Variants in KRT86 observed in about 807,000 individuals in gnomAD.
KRT86 encodes the protein keratin, type II cuticular Hb6.
A neutral mutation model predicts 41.2 loss-of-function variants in KRT86; 30 were observed. That is an observed-to-expected ratio of 0.73 (90% CI 0.54 to 0.99). The LOEUF (loss-of-function observed/expected upper bound fraction) is 0.99, where lower values mean the gene tolerates loss of function less well. KRT86 is among the 50% of genes least tolerant of loss of function. KRT86 has a pLI of 0.00. For synonymous variants in KRT86, 238 were observed against 238.1 expected (o/e 1.00, Z 0.00); for missense variants, 561 against 571.4 (o/e 0.98, Z 0.19).
chr12:52,297,802 G>C (rs574920061), intron 2 of KRT86, among the ~76,000 whole-genome samples: 3 of 152,318 alleles, frequency 2.0e-5, no homozygotes, highest in South Asian at 4.1e-4. Context: ...CTTCTGGCAA[G>C]TTCTTCCTCA....
chr12:52,278,438 GTTTTTT>G (rs10684723), intron 2 of KRT86, among the ~76,000 whole-genome samples: 1 of 128,056 alleles, frequency 7.8e-6, no homozygotes, highest in Non-Finnish European at 1.6e-5. Context: ...AGAAAGTGTA[GTTTTTT>G]TTTTTTTTTT....
chr12:52,299,086 C>A (rs568636300), intron 2 of KRT86, among the ~76,000 whole-genome samples: 5 of 152,168 alleles, frequency 3.3e-5, no homozygotes, highest in Non-Finnish European at 7.3e-5. Context: ...CTCATTAACA[C>A]GTCTTTATCT....
chr12:52,299,565 G>C (rs1938325373), intron 2 of KRT86, among the ~76,000 whole-genome samples: 1 of 152,214 alleles, frequency 6.6e-6, no homozygotes, highest in Non-Finnish European at 1.5e-5. Context: ...CCCACTAGCA[G>C]TGTACAAGTG....
chr12:52,305,128 G>T, intron 6 of KRT86, 101 bp downstream of exon 6: 10 of 1,605,522 alleles, frequency 6.2e-6, no homozygotes, highest in Non-Finnish European at 8.5e-6. Context: ...CAGTCCCTGA[G>T]GCTGTGTGAG....
chr12:52,295,370 A>G (rs571279967), intron 2 of KRT86, among the ~76,000 whole-genome samples: 26 of 152,344 alleles, frequency 1.7e-4, no homozygotes, highest in African/African-American at 6.0e-4. Context: ...GTTGCATGTT[A>G]GTAGCAGAAC....
At chr12:52,301,834 G>A in intron 2 of KRT86, 79 bp from the exon 3 acceptor site, 1 of 1,613,134 alleles carries the variant, frequency 6.2e-7, no homozygotes, top group Non-Finnish European at 8.5e-7. Context: ...GGTGCAAGTA[G>A]TGAACGCCTG....
At position 52,291,405 on chromosome 12, in the gene KRT86, G is replaced by A. The variant is rs753675735; in HGVS notation, c.-4-10508G>A. ...GCGGTGATGCAGCAGCGGCCGGGCC[G>A]CGGCCCGCAGGCCGAGATGCAGCTG... On this transcript the variant is annotated intron_variant, in intron 2 of 10. Transcript: ENST00000423955. 3.4e-5 allele frequency: 54 copies of A among 1,610,448 alleles called. No homozygotes were observed. The highest frequency in any genetic ancestry group is 3.3e-4 in the Middle Eastern group (2 of 6,028).
intron 2 of KRT86, chr12:52,278,902 G>A (rs1410739822): frequency 6.6e-6 from 1 of 152,394 alleles, no homozygotes; most frequent in Admixed American, 6.6e-5. Flanking sequence ...GTGGGGAAGG[G>A]GGTCCTGTGG....
At chr12:52,287,782 C>T in intron 2 of KRT86, 6 of 1,613,854 alleles carry the variant, frequency 3.7e-6, no homozygotes, top group Non-Finnish European at 4.2e-6. Context: ...TTCAGGACAC[C>T]ACAGATGATT....
intron 2 of KRT86, among the ~76,000 whole-genome samples, chr12:52,296,537 C>A (rs1938254847): frequency 6.6e-6 from 1 of 152,166 alleles, no homozygotes; most frequent in South Asian, 2.1e-4. Flanking sequence ...GGCTCCAGCC[C>A]CACCCAGGCA....
chr12:52,287,564 T>A, intron 2 of KRT86: 1 of 1,613,882 alleles, frequency 6.2e-7, no homozygotes, highest in Non-Finnish European at 8.5e-7. Flanking sequence ...AGGCCCTCGG[T>A]CTCTCTGACC....
At chr12:52,278,682 T>C (rs530247494) in intron 2 of KRT86, among the ~76,000 whole-genome samples, 3 of 152,222 alleles carry the variant, frequency 2.0e-5, no homozygotes, top group African/African-American at 7.2e-5. Context: ...GCAAGGAGCA[T>C]CAGTAAGTAA....
rs527319461 is a variant in KRT86 at position 52,308,426 on chromosome 12, C to A, written c.1302C>A (p.Gly434=). Residue 434 remains glycine, a synonymous_variant, in exon 11 of 11, where the codon GGC becomes GGA. Transcript: ENST00000423955. ...VNVCVSSSRG[G]VVCGDLCAST... is the part of the protein sequence containing the mutation. ...CAGGCGTCAGCAGCTCCCGCGGTGG[C>A]GTTGTCTGTGGCGATCTCTGCGCCT... The A allele has an allele frequency of 4.3e-6, 7 of 1,611,892 alleles. No homozygotes were observed. In the East Asian group the frequency reaches 1.3e-4, roughly 31 times the overall value.
intron 2 of KRT86, 98 bp from the exon 3 acceptor site, chr12:52,301,815 G>T (rs1236686317): frequency 9.3e-6 from 15 of 1,611,840 alleles, no homozygotes; most frequent in Non-Finnish European, 1.2e-5. Flanking sequence ...TATATAAAAG[G>T]CCTACAGAGG....
intron 2 of KRT86, chr12:52,286,593 C>G: frequency 2.2e-6 from 3 of 1,337,100 alleles, no homozygotes; most frequent in East Asian, 2.5e-5. Context: ...TATGAAAAGT[C>G]AGAAGCATCT....
intron 2 of KRT86, among the ~76,000 whole-genome samples, chr12:52,276,673 C>T (rs1233324194): frequency 6.6e-6 from 1 of 152,332 alleles, no homozygotes; most frequent in South Asian, 2.1e-4. Flanking sequence ...TATATTTAGC[C>T]TTCACCTTTT....
At chr12:52,300,554 G>A (rs952516219) in intron 2 of KRT86, among the ~76,000 whole-genome samples, 3 of 152,156 alleles carry the variant, frequency 2.0e-5, no homozygotes, top group African/African-American at 7.2e-5. Context: ...ATCACACAGG[G>A]GTACTCAGGG....
Position 52,308,253 on chromosome 12 carries a change from C to A in KRT86, c.1268C>A (p.Ser423Ter), listed in dbSNP as rs562353539. The A allele has an allele frequency of 2.2e-5, 35 of 1,614,206 alleles. No individual in the cohort carries two copies. The South Asian group carries it at 3.6e-4, about 17-fold the overall frequency. ...TGCAGGCTGTGCGAGGGCGTCGGCT[C>A]GGTGAATGTCTGTAAGTAGTGGGGT... ...EEQRLCEGVG[S>*]VNVCVSSSRG... The change falls in exon 10 of 11, where the codon TCG becomes TAG. Residue 423 changes from serine (S) to a stop codon, truncating the protein, a stop_gained. Coordinates refer to ENST00000423955, the MANE Select transcript of KRT86 (RefSeq NM_001320198.2). LOFTEE classifies it high-confidence loss of function.
At position 52,304,789 on chromosome 12, in the gene KRT86, A is replaced by G. The variant is rs1938462874; in HGVS notation, c.640-143A>G. The G allele has an allele frequency of 8.4e-6, 8 of 950,276 alleles. 1 individual carries two copies. The highest frequency in any genetic ancestry group is 1.4e-5 in the Non-Finnish European group (8 of 579,516). 58.9% of individuals were successfully genotyped at this position (950,276 alleles called of 1,614,324 possible). On this transcript the variant is annotated intron_variant, in intron 5 of 10. Coordinates refer to ENST00000423955, the MANE Select transcript of KRT86 (RefSeq NM_001320198.2). ...CAGAGGATGCCAGGTCACCCCGGGA[A>G]GGGCCAGAAGGGAAGGAGAGGGCAT...
Sources: gnomAD v4.1 joint callset for allele counts (sites outside exome capture counted in the v4.1 genomes callset) on GRCh38, gnomAD v4.1.1 for gene constraint, MANE v1.5 for transcripts, NCBI Gene and HGNC (gene_info 2026-07-23, HGNC 2026-07-21) for gene names.